Variants in NMNAT1 observed in about 807,000 individuals in gnomAD.
The protein encoded by NMNAT1 is nicotinamide/nicotinic acid mononucleotide adenylyltransferase 1.
In NMNAT1, 11 loss-of-function variants were observed where a neutral mutation model predicts 16.7. That is an observed-to-expected ratio of 0.66 (90% CI 0.41 to 1.09). The LOEUF (loss-of-function observed/expected upper bound fraction) is 1.09, where lower values mean the gene tolerates loss of function less well. NMNAT1 is among the 50% of genes least tolerant of loss of function. The pLI is 0.00. For missense variants in NMNAT1, 280 were observed against 332.3 expected (o/e 0.84, Z 1.22); for synonymous variants, 110 against 119.8 (o/e 0.92, Z 0.53).
chr1:9,989,967 C>T (rs898334783), downstream of NMNAT1, among the ~76,000 whole-genome samples: 6 of 152,174 alleles, frequency 3.9e-5, no homozygotes, highest in South Asian at 8.3e-4. Flanking sequence ...CTCCTGCACC[C>T]GCTCACCTGC....
At chr1:9,978,280 C>T (rs1641858977) in intron 3 of NMNAT1, among the ~76,000 whole-genome samples, 3 of 152,050 alleles carry the variant, frequency 2.0e-5, no homozygotes, top group South Asian at 2.1e-4. Context: ...CCCTTGAACC[C>T]GGGAGGTGGA....
At position 9,975,655 on chromosome 1, in the gene NMNAT1, T is replaced by A; in HGVS notation, c.179T>A (p.Leu60His). 1 of 1,614,030 alleles carries A rather than the reference T, an allele frequency of 6.2e-7. No homozygotes were observed. Among genetic ancestry groups the A allele is most frequent in the Non-Finnish European group, 8.5e-7 (1 of 1,179,936 alleles). ...GGTGATGCCTACAAGAAGAAAGGACTCATTCCTGCCTATCACCGGGTCATC... is the reference window on the plus strand; with the variant it reads ...GGTGATGCCTACAAGAAGAAAGGACACATTCCTGCCTATCACCGGGTCATC... The part of the protein sequence containing the change: ...PVGDAYKKKG[L>H]IPAYHRVIMA... Residue 60 changes from leucine (L) to histidine (H), a missense_variant, in exon 3 of 5, where the codon CTC becomes CAC. By Grantham distance (99) the Leu-to-His change is moderately conservative. Transcript: ENST00000377205.
At chr1:9,994,827 A>T in the NMNAT1 span, among the ~76,000 whole-genome samples, 25 of 151,900 alleles carry the variant, frequency 1.6e-4, no homozygotes, top group Admixed American at 1.6e-3. Flanking sequence ...TTAGCCAGGA[A>T]GGTCTTGATC....
chr1:9,950,508 G>A (rs1641082099), intron 1 of NMNAT1: 1 of 152,288 alleles, frequency 6.6e-6, no homozygotes, highest in South Asian at 2.1e-4. Context: ...TGGCAGTGCT[G>A]CTGGGACAGG....
chr1:9,943,059 T>G (rs1243132479), upstream of NMNAT1: 1 of 277,088 alleles, frequency 3.6e-6, no homozygotes, highest in African/African-American at 2.2e-5. Context: ...TCCTTGAAAG[T>G]GAGGAGGGTT....
At chr1:9,961,782 A>T (rs892127856) in intron 1 of NMNAT1, among the ~76,000 whole-genome samples, 9 of 151,688 alleles carry the variant, frequency 5.9e-5, no homozygotes, top group East Asian at 1.9e-4. Context: ...GTATATATAT[A>T]TTTTTTGAGA....
rs1641988138 is a variant in NMNAT1, at chr1:9,983,291, G to T, written c.*590G>T. 6.6e-6 allele frequency: 1 copy of T among 151,448 alleles called. No individual in the cohort carries two copies. Among genetic ancestry groups the T allele is most frequent in the Admixed American group, 6.6e-5 (1 of 15,112 alleles). The allele number at this position is 151,448 out of a possible 1,614,324, so 9.4% of individuals were successfully genotyped here. ...AATCGCTTGAACCCGGGAGGCACAG[G>T]TTCCAGTGAGCCAAGGTTGTGCCAC... On this transcript the variant is annotated 3_prime_UTR_variant, in exon 5 of 5. Transcript: ENST00000377205.
intron 1 of NMNAT1, among the ~76,000 whole-genome samples, chr1:9,971,727 C>T (rs1389138380): frequency 6.6e-6 from 1 of 152,112 alleles, no homozygotes. Context: ...CTTTGAGAGA[C>T]TGAGGTGGAA....
At chr1:9,986,937 C>A (rs1315285921), downstream of NMNAT1, among the ~76,000 whole-genome samples, 3 of 152,152 alleles carry the variant, frequency 2.0e-5, no homozygotes, top group Admixed American at 2.0e-4. Context: ...TGGCTCACAC[C>A]TGTAATCCCA....
At chr1:9,951,712 C>G (rs769957934) in intron 1 of NMNAT1, among the ~76,000 whole-genome samples, 10 of 152,086 alleles carry the variant, frequency 6.6e-5, no homozygotes, top group Non-Finnish European at 1.3e-4. Context: ...TGGGCTCAAT[C>G]GATCTGCCTG....
In NMNAT1 at chr1:9,962,196, G is replaced by T. The variant is rs116536788; in HGVS notation, c.-56-9822G>T. On this transcript the variant is annotated intron_variant, in intron 1 of 4. Coordinates refer to ENST00000377205, the MANE Select transcript of NMNAT1 (RefSeq NM_022787.4). The stretch of plus-strand genomic sequence containing the variant: ...AACATCACTTTCCTCAAAAATAACA[G>T]CTGCCGCCGGGCGCGGTGGCTCACG... Among the ~76,000 whole-genome samples, 635 of 151,914 alleles carry T rather than the reference G, an allele frequency of 4.2e-3. 7 individuals are homozygous for T. Among genetic ancestry groups the T allele is most frequent in the African/African-American group, 0.014 (599 of 41,448 alleles).
At chr1:9,977,799 G>A (rs935013582) in intron 3 of NMNAT1, among the ~76,000 whole-genome samples, 6 of 152,036 alleles carry the variant, frequency 3.9e-5, no homozygotes, top group South Asian at 4.1e-4. Context: ...CAGAGGTTAC[G>A]GTGAACTGAA....
At chr1:9,944,806 AGTT>A (rs1445143147) in intron 1 of NMNAT1, among the ~76,000 whole-genome samples, 1 of 152,246 alleles carries the variant, frequency 6.6e-6, no homozygotes, top group Non-Finnish European at 1.5e-5. Flanking sequence ...TATTACCATC[AGTT>A]GTTTTTCAGA....
chr1:9,966,852 A>G (rs1442965173), intron 1 of NMNAT1, among the ~76,000 whole-genome samples: 1 of 152,138 alleles, frequency 6.6e-6, no homozygotes, highest in Non-Finnish European at 1.5e-5. Flanking sequence ...GATTAGAATG[A>G]CCTCAGACTT....
chr1:9,958,161 A>G (rs963876790), intron 1 of NMNAT1, among the ~76,000 whole-genome samples: 3 of 152,182 alleles, frequency 2.0e-5, no homozygotes, highest in South Asian at 4.1e-4. Flanking sequence ...GCAGGCTGCA[A>G]TTAACATTTT....
At chr1:9,968,681 G>A (rs1641617452) in intron 1 of NMNAT1, among the ~76,000 whole-genome samples, 1 of 148,190 alleles carries the variant, frequency 6.7e-6, no homozygotes, top group South Asian at 2.2e-4. Flanking sequence ...TGAGGCAGGA[G>A]AATGGCATGA....
chr1:9,995,698 A>T, the NMNAT1 span, among the ~76,000 whole-genome samples: 5 of 151,692 alleles, frequency 3.3e-5, no homozygotes, highest in African/African-American at 9.7e-5. Flanking sequence ...TGTCTCAAAA[A>T]ATAAAATAGA....
chr1:9,948,446 G>A (rs1460901839), intron 1 of NMNAT1, among the ~76,000 whole-genome samples: 3 of 152,008 alleles, frequency 2.0e-5, no homozygotes, highest in Non-Finnish European at 4.4e-5. Flanking sequence ...GTCTGGTGGG[G>A]CATACCTGTA....
chr1:9,953,004 G>A (rs765870567), intron 1 of NMNAT1, among the ~76,000 whole-genome samples: 72 of 150,268 alleles, frequency 4.8e-4, no homozygotes, highest in East Asian at 1.2e-3. Flanking sequence ...TTTTTGAGAC[G>A]GAGTCTTGCT....
Sources: gnomAD v4.1 joint callset for allele counts (sites outside exome capture counted in the v4.1 genomes callset) on GRCh38, gnomAD v4.1.1 for gene constraint, MANE v1.5 for transcripts, NCBI Gene and HGNC (gene_info 2026-07-23, HGNC 2026-07-21) for gene names.